Variants in DNAH17 observed in about 807,000 individuals in gnomAD.
DNAH17 encodes the protein axonemal beta dynein heavy chain 17.
In DNAH17, 376 loss-of-function variants were observed where a neutral mutation model predicts 485.6. The observed-to-expected ratio is 0.77, with a 90% confidence interval of 0.71 to 0.84. DNAH17 has a LOEUF of 0.84. Among genes scored for constraint, DNAH17 ranks in the 40% least tolerant of loss-of-function variants. The probability of loss-of-function intolerance (pLI) is 0.00; values close to 1 mark genes in which losing one functional copy is unlikely to be tolerated. For missense variants in DNAH17, 6,370 were observed against 5,839.3 expected, an observed-to-expected ratio of 1.09 and a Z score of -2.96; for synonymous variants, 3,031 against 2,405.9, an observed-to-expected ratio of 1.26 and a Z score of -7.60.
chr17:78,502,115 G>C (rs796242060), intron 33 of DNAH17: 8 of 537,790 alleles, frequency 1.5e-5, no homozygotes, highest in African/African-American at 1.1e-4. Flanking sequence ...CCACGAGAGA[G>C]GGTGGATGAG....
chr17:78,552,006 G>T (rs995617614), intron 15 of DNAH17, among the ~76,000 whole-genome samples: 1 of 151,858 alleles, frequency 6.6e-6, no homozygotes, highest in Non-Finnish European at 1.5e-5. Flanking sequence ...AACTTTTCTT[G>T]GGTTGGCTTA....
intron 72 of DNAH17, among the ~76,000 whole-genome samples, chr17:78,440,171 G>A (rs2087014570): frequency 2.0e-5 from 3 of 150,286 alleles, no homozygotes; most frequent in Non-Finnish European, 2.9e-5. Flanking sequence ...CAGGGCTCAG[G>A]TGCTCCTCCT....
intron 5 of DNAH17, 114 bp from the exon 6 acceptor site, chr17:78,571,147 C>A (rs1405374088): frequency 1.6e-5 from 20 of 1,287,008 alleles, no homozygotes; most frequent in Non-Finnish European, 2.1e-5. Flanking sequence ...GGGCCTTTCT[C>A]AAGTGGAGGG....
In DNAH17 at chr17:78,572,447, C is replaced by G. The variant is rs370613538; in HGVS notation, c.539+254G>C. 5.8e-4 allele frequency among the ~76,000 whole-genome samples: 88 copies of G among 152,212 alleles called. 1 individual carries two copies. The highest frequency in any genetic ancestry group is 2.1e-3 in the African/African-American group (86 of 41,526). On this transcript the variant is annotated intron_variant, in intron 3 of 80. Transcript: ENST00000389840. The stretch of plus-strand genomic sequence containing the variant: ...GGATCGGCACACATGTGTGACCCAG[C>G]GGGGGGTGTGGGGTGCAGGTGCCAG...
chr17:78,476,918 C>T (rs2089056294), intron 51 of DNAH17, among the ~76,000 whole-genome samples, 185 bp from the exon 52 acceptor site: 1 of 152,060 alleles, frequency 6.6e-6, no homozygotes, highest in South Asian at 2.1e-4. Context: ...TCCCGGATGC[C>T]AGTGTGTGTG....
In DNAH17 at chr17:78,571,274, C is replaced by T. The variant is rs1414592295; in HGVS notation, c.832+5G>A. On this transcript the variant is annotated splice_donor_5th_base_variant and intron_variant, in intron 5 of 80. Coordinates refer to ENST00000389840, the MANE Select transcript of DNAH17 (RefSeq NM_173628.4). ...GCAGAACTCATGACAGGGTCACAGG[C>T]TCACCTTCAGTGACGTTGGTGTAAA... 59 of 1,610,746 alleles carry T rather than the reference C, an allele frequency of 3.7e-5. No individual in the cohort carries two copies. Among genetic ancestry groups the T allele is most frequent in the Non-Finnish European group, 4.9e-5 (58 of 1,178,054 alleles).
intron 27 of DNAH17, 145 bp from the exon 28 acceptor site, chr17:78,507,950 A>G: frequency 1.4e-6 from 1 of 720,172 alleles, no homozygotes; most frequent in Non-Finnish European, 2.2e-6. Flanking sequence ...AGCCAAAGGC[A>G]GATCCAACCC....
intron 58 of DNAH17, among the ~76,000 whole-genome samples, chr17:78,460,842 C>T (rs530802211): frequency 3.3e-5 from 5 of 152,168 alleles, no homozygotes; most frequent in Admixed American, 2.0e-4. Context: ...AGCTCACACC[C>T]CTCTAAGAAA....
intron 25 of DNAH17, among the ~76,000 whole-genome samples, chr17:78,519,167 C>CAAAA (rs71161610): frequency 6.6e-5 from 5 of 75,598 alleles, no homozygotes; most frequent in African/African-American, 5.4e-5. Flanking sequence ...GACTCCGTCT[C>CAAAA]AAAAAAAAAA....
At chr17:78,450,437 C>T (rs1263603473) in intron 67 of DNAH17, 43 bp from the exon 68 acceptor site, 2 of 1,608,598 alleles carry the variant, frequency 1.2e-6, no homozygotes, top group East Asian at 2.2e-5. Flanking sequence ...AGCAGATGGG[C>T]AGTGCCATGA....
intron 20 of DNAH17, among the ~76,000 whole-genome samples, chr17:78,531,231 G>A (rs2091227743): frequency 6.6e-6 from 1 of 152,080 alleles, no homozygotes; most frequent in Non-Finnish European, 1.5e-5. Flanking sequence ...CTGGTGCTGG[G>A]CGCATAGATA....
rs187487956 is a variant in DNAH17, at chr17:78,445,515, C to T, written c.11334+43G>A. On this transcript the variant is annotated intron_variant, in intron 70 of 80. Transcript: ENST00000389840. ...GCAGCATCAGCTGGAGGGGGCTCCA[C>T]GGCGGGGAGAAAGCACAACGTGTTC... is the stretch of plus-strand genomic sequence containing the variant. The T allele has an allele frequency of 4.6e-4, 705 of 1,548,016 alleles. 4 individuals are homozygous for T. In the East Asian group the frequency reaches 0.015, roughly 32 times the overall value.
chr17:78,491,331 C>T (rs1035615792), intron 43 of DNAH17, 112 bp downstream of exon 43: 3 of 1,445,664 alleles, frequency 2.1e-6, no homozygotes, highest in Non-Finnish European at 2.8e-6. Context: ...AGACACGCCA[C>T]CTGCGCCAAG....
Position 78,486,445 on chromosome 17 carries a change from G to A in DNAH17, c.6880C>T (p.Leu2294Phe). The A allele has an allele frequency of 1.2e-6, 2 of 1,613,582 alleles. No individual in the cohort carries two copies. The highest frequency in any genetic ancestry group is 1.1e-5 in the South Asian group (1 of 91,084). Reference protein sequence around the residue: ...VQSEKANLMILFDKYLPTCLD... With the variant: ...VQSEKANLMIFFDKYLPTCLD... ...CACGTGGGCAGGTACTTGTCAAAGA[G>A]GATCATCAGGTTGGCCTTCTCCGAC... The change falls in exon 45 of 81, where the codon CTC (leucine) becomes TTC (phenylalanine). Residue 2294 changes from leucine (L) to phenylalanine (F), a missense_variant. Coordinates refer to ENST00000389840, the MANE Select transcript of DNAH17 (RefSeq NM_173628.4).
chr17:78,543,932 A>C lies in DNAH17; in HGVS notation c.2457T>G (p.Asp819Glu), dbSNP rs910290526. 3 of 1,614,036 alleles carry C rather than the reference A, an allele frequency of 1.9e-6. No homozygotes were observed. Among genetic ancestry groups the C allele is most frequent in the African/African-American group, 1.3e-5 (1 of 75,050 alleles). ...GCTTGTTGAGGTTGGCAATTCTTCCATCCAAGTCTAACAGGGCCTCTTTCT... is the reference window on the plus strand; with the variant it reads ...GCTTGTTGAGGTTGGCAATTCTTCCCTCCAAGTCTAACAGGGCCTCTTTCT... ...DNKKEALLDL[D>E]GRIANLNKRY... The change falls in exon 17 of 81, where the codon GAT (aspartate) becomes GAG (glutamate). Residue 819 changes from aspartate (D) to glutamate (E), a missense_variant. Coordinates refer to ENST00000389840, the MANE Select transcript of DNAH17 (RefSeq NM_173628.4).
At chr17:78,461,476 G>T (rs975906687) in intron 58 of DNAH17, 68 bp downstream of exon 58, 11 of 1,415,144 alleles carry the variant, frequency 7.8e-6, no homozygotes, top group Middle Eastern at 2.0e-4. Context: ...CTGACCACAC[G>T]TGGAAGCCCA....
At position 78,485,953 on chromosome 17, in the gene DNAH17, C is replaced by T. The variant is rs764061223; in HGVS notation, c.7275+7G>A. The stretch of plus-strand genomic sequence containing the variant: ...CCAGTCGGTGGCCCTGCTTTGGGGA[C>T]AGTTACCTGCAGTGGGACATCGGGA... On this transcript the variant is annotated splice_region_variant and intron_variant, in intron 46 of 80. Coordinates refer to ENST00000389840, the MANE Select transcript of DNAH17 (RefSeq NM_173628.4). The T allele has an allele frequency of 1.2e-6, 2 of 1,610,408 alleles. No homozygotes were observed. The highest frequency in any genetic ancestry group is 1.1e-5 in the South Asian group (1 of 90,870).
chr17:78,429,583 C>T (rs973742577), intron 75 of DNAH17, among the ~76,000 whole-genome samples: 20 of 152,210 alleles, frequency 1.3e-4, no homozygotes, highest in Admixed American at 1.3e-4. Flanking sequence ...CTTCCACAGC[C>T]GGCATGCTCT....
At position 78,545,331 on chromosome 17, in the gene DNAH17, G is replaced by A. The variant is rs1287509976; in HGVS notation, c.2392-1334C>T. 3.3e-5 allele frequency among the ~76,000 whole-genome samples: 5 copies of A among 152,094 alleles called. No homozygotes were observed. In the East Asian group the frequency reaches 5.8e-4, roughly 18 times the overall value. ...AAAAACGCGTTCTGTATATGTCTTAGTCAGCTTAGATTACTATAAGCAAAA... is the reference window on the plus strand; with the variant it reads ...AAAAACGCGTTCTGTATATGTCTTAATCAGCTTAGATTACTATAAGCAAAA... On this transcript the variant is annotated intron_variant, in intron 16 of 80. Transcript: ENST00000389840.
Sources: allele counts gnomAD v4.1 joint callset (sites outside exome capture counted in the v4.1 genomes callset), GRCh38; gene constraint gnomAD v4.1.1; transcripts MANE v1.5; gene names NCBI Gene and HGNC (gene_info 2026-07-23, HGNC 2026-07-21).